Variants in RADIL observed in about 807,000 individuals in gnomAD.
RADIL encodes ras-associating and dilute domain-containing protein.
In RADIL, 99 loss-of-function variants were observed where a neutral mutation model predicts 97.6. The ratio of observed to expected loss-of-function variants is 1.01; its 90% CI spans 0.86 to 1.20. The LOEUF (loss-of-function observed/expected upper bound fraction) is 1.20. Ranked by LOEUF, RADIL falls within the 50% of genes most tolerant of loss-of-function variation. The pLI is 0.00. For synonymous variants in RADIL, 803 were observed against 691.8 expected (o/e 1.16, Z -2.52); for missense variants, 1,765 against 1,498.9 (o/e 1.18, Z -2.93).
chr7:4,803,705 G>A lies in RADIL; in HGVS notation c.2340C>T (p.Ser780=), dbSNP rs373127909. The change falls in exon 11 of 15, where the codon AGC becomes AGT. Residue 780 remains serine (S), a synonymous_variant. Coordinates refer to ENST00000399583, the MANE Select transcript of RADIL (RefSeq NM_018059.5). ...YENPPPIVLP[S]DGFQVDLEAN... ...CTTCCAAGTCCACCTGGAAGCCGTC[G>A]CTGGGCAGGACGATGGGTGGGGGGT... 1.3e-5 allele frequency: 20 copies of A among 1,567,316 alleles called. No homozygotes were observed. The highest frequency in any genetic ancestry group is 1.2e-4 in the East Asian group (5 of 42,058).
rs1008058725 is a variant in RADIL at position 4,814,752 on chromosome 7, T to C, written c.2139+526A>G. On this transcript the variant is annotated intron_variant, in intron 9 of 14. Coordinates refer to ENST00000399583, the MANE Select transcript of RADIL (RefSeq NM_018059.5). The surrounding 1 kb of genome is among the most constrained non-coding windows in gnomAD (Gnocchi z 4.5). ...TGAAGCCCCCGGGGGAGGATCTGTC[T>C]CCCTGCTCTTCCGGTTGCTGTCAGA... Among the ~76,000 whole-genome samples the C allele has an allele frequency of 3.2e-4, 49 of 152,184 alleles. No individual in the cohort carries two copies. The highest frequency in any genetic ancestry group is 1.1e-3 in the African/African-American group (46 of 41,456).
At chr7:4,853,809 T>C (rs1036215024) in intron 2 of RADIL, among the ~76,000 whole-genome samples, 3 of 151,748 alleles carry the variant, frequency 2.0e-5, no homozygotes, top group African/African-American at 7.3e-5. Context: ...TTTGAACTTC[T>C]AAATATATGT....
intron 5 of RADIL, among the ~76,000 whole-genome samples, chr7:4,828,908 C>A: frequency 6.6e-6 from 1 of 152,146 alleles, no homozygotes; most frequent in South Asian, 2.1e-4. Flanking sequence ...GCTTCAGCTT[C>A]AAACTGCAGG....
chr7:4,799,565 C>A (rs1026613424), intron 14 of RADIL, 65 bp downstream of exon 14: 1 of 1,610,422 alleles, frequency 6.2e-7, no homozygotes, highest in Non-Finnish European at 8.5e-7. Context: ...CTCCTTTACC[C>A]CAGGTCCACT....
intron 5 of RADIL, among the ~76,000 whole-genome samples, chr7:4,827,568 G>A (rs1412692043): frequency 1.3e-5 from 2 of 152,114 alleles, no homozygotes; most frequent in Non-Finnish European, 2.9e-5. Flanking sequence ...GGCTGAGGCA[G>A]GAGAATGGCG....
intron 2 of RADIL, chr7:4,861,242 A>G (rs771726702): frequency 6.2e-7 from 1 of 1,614,122 alleles, no homozygotes; most frequent in South Asian, 1.1e-5. Flanking sequence ...ATTTTTAAGT[A>G]GACTGTCATC....
chr7:4,817,175 C>T lies in RADIL; in HGVS notation c.1728+64G>A. ...AGGCTCCTTAGGAGAGCCACAGGCA[C>T]AAGCTTGAGCCCCACTTGATCCCAG... On this transcript the variant is annotated intron_variant, in intron 7 of 14. Coordinates refer to ENST00000399583, the MANE Select transcript of RADIL (RefSeq NM_018059.5). This position sits in a 1 kb window ranked among gnomAD's most constrained non-coding sequence, Gnocchi z 8.3. The T allele has an allele frequency of 1.4e-6, 2 of 1,451,052 alleles. No individual in the cohort carries two copies. The highest frequency in any genetic ancestry group is 9.5e-7 in the Non-Finnish European group (1 of 1,052,490). 89.9% of individuals were successfully genotyped at this position (1,451,052 alleles called of 1,614,324 possible).
intron 2 of RADIL, among the ~76,000 whole-genome samples, chr7:4,852,130 G>A (rs965345942): frequency 6.6e-6 from 1 of 152,168 alleles, no homozygotes; most frequent in African/African-American, 2.4e-5. Context: ...CGGCCCACAG[G>A]CTCTTCAGAA....
At position 4,805,679 on chromosome 7, in the gene RADIL, A is replaced by C; in HGVS notation, c.2177T>G (p.Leu726Arg). Residue 726 changes from leucine (L) to arginine (R), a missense_variant, in exon 10 of 15, where the codon CTG becomes CGG. Coordinates refer to ENST00000399583, the MANE Select transcript of RADIL (RefSeq NM_018059.5). ...WTALRAAFPALSPAQLHRLLT... is the reference protein window; with the variant it reads ...WTALRAAFPARSPAQLHRLLT... The stretch of plus-strand genomic sequence containing the variant: ...CAGCCGGTGCAGCTGTGCTGGGCTC[A>C]GTGCGGGGAACGCAGCCCGCAGGGC... 1.2e-6 allele frequency: 2 copies of C among 1,611,704 alleles called. No individual in the cohort carries two copies.
intron 10 of RADIL, among the ~76,000 whole-genome samples, chr7:4,804,382 G>A (rs1445935638): frequency 6.6e-6 from 1 of 152,230 alleles, no homozygotes; most frequent in African/African-American, 2.4e-5. Context: ...GCTGCGGGGG[G>A]GCATCCAAGG....
chr7:4,825,562 A>C (rs1251129953), intron 5 of RADIL, among the ~76,000 whole-genome samples: 5 of 152,162 alleles, frequency 3.3e-5, no homozygotes, highest in Non-Finnish European at 7.4e-5. Flanking sequence ...AGGAAGAAAG[A>C]AAGAAAAAAG....
At position 4,840,008 on chromosome 7, in the gene RADIL, CAA is replaced by C. The variant is rs1583298206; in HGVS notation, c.536-3405_536-3404del. 6.6e-6 allele frequency among the ~76,000 whole-genome samples: 1 copy of C among 152,204 alleles called. No homozygotes were observed. The highest frequency in any genetic ancestry group is 1.9e-4 in the East Asian group (1 of 5,202). ...AAGTGATCCGCCCACCTCGGCCTCC[CAA>C]AGTGTTGGAATTACAGGCGTGAGCC... On this transcript the variant is annotated intron_variant, in intron 2 of 14. Transcript: ENST00000399583. This position sits in a 1 kb window ranked among gnomAD's most constrained non-coding sequence, Gnocchi z 5.6.
intron 2 of RADIL, among the ~76,000 whole-genome samples, chr7:4,843,354 G>A (rs546761332): frequency 5.9e-5 from 9 of 152,076 alleles, no homozygotes; most frequent in African/African-American, 9.6e-5. Context: ...AACCGGGGAC[G>A]CGCTGCTCAA....
chr7:4,863,930 G>T (rs1784078118), intron 2 of RADIL, among the ~76,000 whole-genome samples: 1 of 152,150 alleles, frequency 6.6e-6, no homozygotes, highest in South Asian at 2.1e-4. Context: ...CAATCCTGAG[G>T]TTTCAAGGTA....
At chr7:4,847,930 T>C (rs1226776013) in intron 2 of RADIL, among the ~76,000 whole-genome samples, 2 of 152,078 alleles carry the variant, frequency 1.3e-5, no homozygotes, top group Non-Finnish European at 2.9e-5. Flanking sequence ...GTGCAGTGGC[T>C]CTCGCCTGTA....
chr7:4,841,507 C>T (rs1445603299), intron 2 of RADIL, among the ~76,000 whole-genome samples: 2 of 152,220 alleles, frequency 1.3e-5, no homozygotes, highest in Non-Finnish European at 2.9e-5. Flanking sequence ...GTGTTGATTT[C>T]AGTCCTTCTC....
At chr7:4,816,594 T>A in intron 7 of RADIL, 129 bp from the exon 8 acceptor site, 3 of 720,352 alleles carry the variant, frequency 4.2e-6, no homozygotes, top group Non-Finnish European at 7.1e-6. Flanking sequence ...AGCTTCCTGC[T>A]GGACAGGCCA....
Position 4,834,753 on chromosome 7 carries a change from A to G in RADIL, c.1270T>C (p.Leu424=), listed in dbSNP as rs764242701. 9.2e-6 allele frequency: 13 copies of G among 1,405,698 alleles called. No individual in the cohort carries two copies. The highest frequency in any genetic ancestry group is 2.7e-5 in the Admixed American group (1 of 37,112). 87.1% of individuals were successfully genotyped at this position (1,405,698 alleles called of 1,614,324 possible). ...EDTLLQRIMT[L]IEPGGDDHKL... Reference sequence around the variant, plus strand: ...TGGTCGTCGCCCCCCGGCTCGATCAACGTCATGATCCTCTGCAGCAGCGTG... The same window carrying G: ...TGGTCGTCGCCCCCCGGCTCGATCAGCGTCATGATCCTCTGCAGCAGCGTG... Residue 424 remains leucine (L), a synonymous_variant, in exon 4 of 15, where the codon TTG becomes CTG. Transcript: ENST00000399583. This position sits in a 1 kb window ranked among gnomAD's most constrained non-coding sequence, Gnocchi z 6.0.
chr7:4,836,467 G>T lies in RADIL; in HGVS notation c.674C>A (p.Ala225Asp). 1 of 1,605,550 alleles carries T rather than the reference G, an allele frequency of 6.2e-7. No individual in the cohort carries two copies. Residue 225 changes from alanine (A) to aspartate (D), a missense_variant, in exon 3 of 15, where the codon GCC becomes GAC. By Grantham distance (126) the Ala-to-Asp change is moderately radical. Transcript: ENST00000399583. ...VSETSLSPVN[A>D]LPAAAQGPEE... ...GGGGCCCTGGGCGGCAGCGGGCAGGGCGTTCACTGGGCTCAGGCTGGTCTC... is the reference window on the plus strand; with the variant it reads ...GGGGCCCTGGGCGGCAGCGGGCAGGTCGTTCACTGGGCTCAGGCTGGTCTC...
Sources: gnomAD v4.1 joint callset for allele counts (sites outside exome capture counted in the v4.1 genomes callset) on GRCh38, gnomAD v4.1.1 for gene constraint, Gnocchi (gnomAD v3.1) non-coding constraint, MANE v1.5 for transcripts, NCBI Gene and HGNC (gene_info 2026-07-23, HGNC 2026-07-21) for gene names.